RASAL1: variants seen among roughly 807,000 people sequenced by gnomAD.
RASAL1 encodes the protein rasGAP-activating-like protein 1.
In RASAL1, 72 loss-of-function variants were observed where a neutral mutation model predicts 96.6. The observed-to-expected ratio is 0.75, with a 90% CI of 0.62 to 0.91. The LOEUF is 0.91. Ranked by LOEUF, RASAL1 falls within the 40% of genes least tolerant of loss-of-function variation. The pLI, the probability that RASAL1 is intolerant of heterozygous loss-of-function variation, is 0.00. For missense variants in RASAL1, 1,016 were observed against 1,072.5 expected (o/e 0.95, Z 0.74); for synonymous variants, 405 against 430.4 (o/e 0.94, Z 0.73).
In RASAL1 at chr12:113,115,844, G is replaced by A. The variant is rs1272729527; in HGVS notation, c.850-56C>T. 1 of 1,603,358 alleles carries A rather than the reference G, an allele frequency of 6.2e-7. No individual in the cohort carries two copies. The highest frequency in any genetic ancestry group is 1.7e-5 in the Admixed American group (1 of 59,096). On this transcript the variant is annotated intron_variant, in intron 9 of 20. Transcript: ENST00000548055. The surrounding 1 kb of genome is among the most constrained non-coding windows in gnomAD (Gnocchi z 4.1). ...CGGCCCCTGGGACCCCAAAGCAGAT[G>A]GGCCTAGATAGGGCTCCGTGAGGCA...
At chr12:113,104,722 G>A (rs1447438432) in intron 16 of RASAL1, among the ~76,000 whole-genome samples, 2 of 151,952 alleles carry the variant, frequency 1.3e-5, no homozygotes, top group Non-Finnish European at 1.5e-5. Context: ...GGCTGGTCTC[G>A]AACTCCTGGC....
chr12:113,106,747 G>C (rs73207013), intron 15 of RASAL1, among the ~76,000 whole-genome samples: 16,867 of 151,968 alleles, frequency 0.11, 1,117 homozygotes, highest in Middle Eastern at 0.19. Flanking sequence ...CAAAATAAAA[G>C]CTCTGTGAGA....
chr12:113,132,562 C>G (rs1332432147), intron 1 of RASAL1, among the ~76,000 whole-genome samples: 2 of 152,280 alleles, frequency 1.3e-5, no homozygotes, highest in East Asian at 1.9e-4. Context: ...CCCTCGATGC[C>G]CCAGCACCAC....
In RASAL1 at chr12:113,100,042, G is replaced by C. The variant is rs1950385545; in HGVS notation, c.2305C>G (p.Gln769Glu). 6.2e-7 allele frequency: 1 copy of C among 1,612,246 alleles called. No homozygotes were observed. Among genetic ancestry groups the C allele is most frequent in the African/African-American group, 1.3e-5 (1 of 75,030 alleles). Residue 769 changes from glutamine to glutamate, a missense_variant, in exon 21 of 21, where the codon CAA becomes GAA. By Grantham distance (29) the Gln-to-Glu change is conservative. Transcript: ENST00000548055. ...AGCAGGCGGGCAGTTGCTGCTCTTT[G>C]CCGGGCCAGGACCTCAGGACAGGCC... ...TGACPEVLARQRAATARLLEV... is the reference protein window; with the variant it reads ...TGACPEVLARERAATARLLEV...
chr12:113,108,254 C>T, intron 13 of RASAL1, 32 bp from the exon 14 acceptor site: 2 of 1,590,436 alleles, frequency 1.3e-6, no homozygotes, highest in Non-Finnish European at 1.7e-6. Flanking sequence ...AAGAGGAGCC[C>T]CCCAAACCCA....
At position 113,117,142 on chromosome 12, in the gene RASAL1, G is replaced by A. The variant is rs950015332; in HGVS notation, c.662C>T (p.Thr221Ile). 1 of 1,604,096 alleles carries A rather than the reference G, an allele frequency of 6.2e-7. No individual in the cohort carries two copies. Among genetic ancestry groups the A allele is most frequent in the Non-Finnish European group, 8.5e-7 (1 of 1,172,378 alleles). Residue 221 changes from threonine (T) to isoleucine (I), a missense_variant, in exon 8 of 21, where the codon ACC (threonine) becomes ATC (isoleucine). Transcript: ENST00000548055. Reference sequence around the variant, plus strand: ...GCCTTTAGGTGGCTTCTGCTGGAGGGTCTTTGGAGAGAACTCCACCTTTTG... The same window carrying A: ...GCCTTTAGGTGGCTTCTGCTGGAGGATCTTTGGAGAGAACTCCACCTTTTG... ...FLGMVEFSPK[T>I]LQQKPPKGWF...
At chr12:113,117,703 T>G (rs1437933326) in intron 7 of RASAL1, among the ~76,000 whole-genome samples, 1 of 152,206 alleles carries the variant, frequency 6.6e-6, no homozygotes, top group Non-Finnish European at 1.5e-5. Context: ...CTAAAGAGCC[T>G]GCACTCATTA....
rs1438836316 is a variant in RASAL1 at position 113,130,442 on chromosome 12, A to T, written c.122+443T>A. ...AGGACATACACACGTGGTCACAGGC[A>T]CTCACACTAGCCCCGCAACATCCCC... is the stretch of plus-strand genomic sequence containing the variant. On this transcript the variant is annotated intron_variant, in intron 2 of 20. Coordinates refer to ENST00000548055, the MANE Select transcript of RASAL1 (RefSeq NM_001301202.2). The surrounding 1 kb of genome is among the most constrained non-coding windows in gnomAD (Gnocchi z 5.1). Among the ~76,000 whole-genome samples, 1 of 152,110 alleles carries T rather than the reference A, an allele frequency of 6.6e-6. No individual in the cohort carries two copies. The highest frequency in any genetic ancestry group is 1.5e-5 in the Non-Finnish European group (1 of 67,994).
chr12:113,117,093 G>A lies in RASAL1; in HGVS notation c.711C>T (p.Pro237=), dbSNP rs763781981. ...PKGWFRLLPF[P]RAEEDSGGNL... Reference sequence around the variant, plus strand: ...TTTACCCAGAATCCTCCTCGGCTCTGGGAAAGGGCAGGAGGCGGAACCAGC... The same window carrying A: ...TTTACCCAGAATCCTCCTCGGCTCTAGGAAAGGGCAGGAGGCGGAACCAGC... Residue 237 remains proline, a synonymous_variant, in exon 8 of 21, where the codon CCC becomes CCT. Coordinates refer to ENST00000548055, the MANE Select transcript of RASAL1 (RefSeq NM_001301202.2). 5 of 1,608,174 alleles carry A rather than the reference G, an allele frequency of 3.1e-6. No homozygotes were observed. In the South Asian group the frequency reaches 4.4e-5, roughly 14 times the overall value.
Position 113,105,941 on chromosome 12 carries a change from C to T in RASAL1, c.1658-55G>A, listed in dbSNP as rs567433332. ...AGTGAGCCCTCCCTAACCAGGCTCACCTTGCTCCACTAGCATGCCCAGGGA... is the reference window on the plus strand; with the variant it reads ...AGTGAGCCCTCCCTAACCAGGCTCATCTTGCTCCACTAGCATGCCCAGGGA... On this transcript the variant is annotated intron_variant, in intron 15 of 20. Transcript: ENST00000548055. 1.5e-5 allele frequency: 23 copies of T among 1,535,760 alleles called. No individual in the cohort carries two copies. In the African/African-American group the frequency reaches 2.7e-4, roughly 18 times the overall value.
At position 113,127,873 on chromosome 12, in the gene RASAL1, C is replaced by A; in HGVS notation, c.237G>T (p.Gly79=). 1.2e-6 allele frequency: 2 copies of A among 1,613,164 alleles called. No individual in the cohort carries two copies. The highest frequency in any genetic ancestry group is 1.7e-6 in the Non-Finnish European group (2 of 1,179,284). The change falls in exon 4 of 21, where the codon GGG becomes GGT. Residue 79 remains glycine, a splice_region_variant and synonymous_variant. Coordinates refer to ENST00000548055, the MANE Select transcript of RASAL1 (RefSeq NM_001301202.2). The part of the protein sequence containing the change: ...AFYVLDEDTV[G]HDDIIGKISL... ...AGATCTTGCCGATGATGTCGTCGTG[C>A]CTGCAGGAAGGCGGGCACGTGAAGG...
intron 13 of RASAL1, among the ~76,000 whole-genome samples, chr12:113,110,473 A>G (rs1317149651): frequency 6.6e-6 from 1 of 152,218 alleles, no homozygotes; most frequent in African/African-American, 2.4e-5. Context: ...GTTATCTGCA[A>G]GTGAGGACAA....
chr12:113,119,082 G>A, intron 7 of RASAL1, 46 bp downstream of exon 7: 1 of 1,538,456 alleles, frequency 6.5e-7, no homozygotes, highest in Non-Finnish European at 8.8e-7. Flanking sequence ...TTCCCCCTTG[G>A]AGGCACTGGG....
intron 1 of RASAL1, among the ~76,000 whole-genome samples, chr12:113,134,745 G>A (rs1270850180): frequency 6.6e-6 from 1 of 152,150 alleles, no homozygotes; most frequent in African/African-American, 2.4e-5. Flanking sequence ...GAGCCGTAGG[G>A]TCCCCCAGTC....
rs1014800800 is a variant in RASAL1, at chr12:113,115,860, C to T, written c.850-72G>A. 153 of 1,592,654 alleles carry T rather than the reference C, an allele frequency of 9.6e-5. No homozygotes were observed. The highest frequency in any genetic ancestry group is 1.3e-4 in the Non-Finnish European group (152 of 1,166,750). On this transcript the variant is annotated intron_variant, in intron 9 of 20. Coordinates refer to ENST00000548055, the MANE Select transcript of RASAL1 (RefSeq NM_001301202.2). The surrounding 1 kb of genome is among the most constrained non-coding windows in gnomAD (Gnocchi z 4.1). ...AAAGCAGATGGGCCTAGATAGGGCT[C>T]CGTGAGGCAGGGGGAGGCCAGGATC...
At chr12:113,112,748 C>G (rs1265846161) in intron 12 of RASAL1, among the ~76,000 whole-genome samples, 1 of 152,082 alleles carries the variant, frequency 6.6e-6, no homozygotes, top group Non-Finnish European at 1.5e-5. Flanking sequence ...ACCAGGAGTT[C>G]AAGACCAGCC....
chr12:113,100,339 C>T (rs1950397078), intron 20 of RASAL1, among the ~76,000 whole-genome samples: 1 of 152,158 alleles, frequency 6.6e-6, no homozygotes, highest in Non-Finnish European at 1.5e-5. Context: ...TGCTGTGTTG[C>T]CCAGGGTGCA....
Position 113,129,764 on chromosome 12 carries a change from G to A in RASAL1, c.122+1121C>T, listed in dbSNP as rs1234295666. On this transcript the variant is annotated intron_variant, in intron 2 of 20. Coordinates refer to ENST00000548055, the MANE Select transcript of RASAL1 (RefSeq NM_001301202.2). The surrounding 1 kb of genome is among the most constrained non-coding windows in gnomAD (Gnocchi z 5.0). ...CCCCGCCTTCTTCCTCCAGCCCAGC[G>A]GCACCAACCTCAGATGGACCCCCAG... 1.3e-5 allele frequency among the ~76,000 whole-genome samples: 2 copies of A among 152,102 alleles called. No homozygotes were observed. Among genetic ancestry groups the A allele is most frequent in the African/African-American group, 4.8e-5 (2 of 41,398 alleles).
chr12:113,123,289 A>G (rs1418587246), intron 4 of RASAL1, among the ~76,000 whole-genome samples: 1 of 152,062 alleles, frequency 6.6e-6, no homozygotes, highest in Non-Finnish European at 1.5e-5. Context: ...ATGGTGTCTC[A>G]TTTCCTTGTG....
Sources: allele counts gnomAD v4.1 joint callset (sites outside exome capture counted in the v4.1 genomes callset), GRCh38; gene constraint gnomAD v4.1.1; non-coding constraint Gnocchi (gnomAD v3.1); transcripts MANE v1.5; gene names NCBI Gene and HGNC (gene_info 2026-07-23, HGNC 2026-07-21).